The following SPAG16 variants were observed in gnomAD, a reference collection of about 807,000 sequenced individuals.
SPAG16 encodes the protein sperm-associated antigen 16 protein.
SPAG16 carries 86 observed loss-of-function variants against 80.4 expected under a neutral mutation model. That is an observed-to-expected ratio of 1.07 (90% CI 0.90 to 1.28). SPAG16 has a LOEUF of 1.28. SPAG16 is among the 50% of genes most tolerant of loss of function. The probability of loss-of-function intolerance (pLI) is 0.00; values close to 1 mark genes in which losing one functional copy is unlikely to be tolerated. For missense variants in SPAG16, 870 were observed against 765.3 expected, an observed-to-expected ratio of 1.14 and a Z score of -1.61; for synonymous variants, 294 against 265.9, an observed-to-expected ratio of 1.11 and a Z score of -1.03.
rs200974887 is a variant in SPAG16 at position 213,375,061 on chromosome 2, G to C, written c.884G>C (p.Gly295Ala). The change falls in exon 9 of 16, where the codon GGT becomes GCT. Residue 295 changes from glycine (G) to alanine (A), a missense_variant. Physicochemically the swap from Gly to Ala is moderately conservative, Grantham distance 60 (BLOSUM62 0). Transcript: ENST00000331683. ...ENAPEGPTQKGLREAREQNKC... is the reference protein window; with the variant it reads ...ENAPEGPTQKALREAREQNKC... ...GCACCAGAAGGTCCTACTCAGAAAGGTCTTCGTGAAGCCAGGGAACAAAAC... is the reference window on the plus strand; with the variant it reads ...GCACCAGAAGGTCCTACTCAGAAAGCTCTTCGTGAAGCCAGGGAACAAAAC... 6.2e-7 allele frequency: 1 copy of C among 1,610,988 alleles called. No individual in the cohort carries two copies. The highest frequency in any genetic ancestry group is 1.3e-5 in the African/African-American group (1 of 74,816).
intron 11 of SPAG16, among the ~76,000 whole-genome samples, chr2:213,878,713 C>T (rs999913539): frequency 6.6e-6 from 1 of 152,126 alleles, no homozygotes; most frequent in African/African-American, 2.4e-5. Flanking sequence ...AGGTCTTAGT[C>T]ATAAATTCTT....
chr2:213,674,482 C>A (rs1289511348), intron 10 of SPAG16, among the ~76,000 whole-genome samples: 1 of 151,156 alleles, frequency 6.6e-6, no homozygotes, highest in East Asian at 1.9e-4. Flanking sequence ...GCGCTGCACC[C>A]ACTAACTCGT....
At chr2:213,356,432 A>G (rs2065655505) in intron 7 of SPAG16, among the ~76,000 whole-genome samples, 2 of 152,202 alleles carry the variant, frequency 1.3e-5, no homozygotes, top group Non-Finnish European at 2.9e-5. Flanking sequence ...AGAGCCTGTG[A>G]TTGGTCAATT....
intron 3 of SPAG16, among the ~76,000 whole-genome samples, chr2:213,300,114 G>T (rs980080830): frequency 6.6e-6 from 1 of 152,074 alleles, no homozygotes; most frequent in Non-Finnish European, 1.5e-5. Context: ...TTATACTGCT[G>T]TAATTACGTA....
At chr2:213,310,502 G>A (rs2063144811) in intron 4 of SPAG16, among the ~76,000 whole-genome samples, 1 of 151,898 alleles carries the variant, frequency 6.6e-6, no homozygotes, top group Non-Finnish European at 1.5e-5. Context: ...GATATTTTAT[G>A]AAAACATTTC....
chr2:213,638,387 TA>T (rs1258799499), intron 10 of SPAG16, among the ~76,000 whole-genome samples: 1 of 152,110 alleles, frequency 6.6e-6, no homozygotes, highest in African/African-American at 2.4e-5. Flanking sequence ...TTAATGCTAC[TA>T]ACTATTTTCT....
intron 10 of SPAG16, among the ~76,000 whole-genome samples, chr2:213,735,275 T>C (rs2217161): frequency 0.44 from 66,352 of 152,046 alleles, 14,802 homozygotes; most frequent in East Asian, 0.61. Flanking sequence ...AGATTTGTGA[T>C]TGTGAATTAT....
chr2:213,811,962 T>A (rs1453092992), intron 10 of SPAG16, among the ~76,000 whole-genome samples: 1 of 151,904 alleles, frequency 6.6e-6, no homozygotes, highest in Non-Finnish European at 1.5e-5. Flanking sequence ...AAAGAGATAA[T>A]ACATAATCAC....
At chr2:214,101,685 G>A (rs1451816654) in intron 13 of SPAG16, among the ~76,000 whole-genome samples, 1 of 152,220 alleles carries the variant, frequency 6.6e-6, no homozygotes, top group Admixed American at 6.5e-5. Context: ...GGGGACTTTG[G>A]AATCAGGCAA....
chr2:214,201,682 T>C (rs1476405489), intron 15 of SPAG16, among the ~76,000 whole-genome samples: 1 of 152,190 alleles, frequency 6.6e-6, no homozygotes, highest in Non-Finnish European at 1.5e-5. Flanking sequence ...ATAGACTACA[T>C]TTTATTGGCA....
chr2:213,511,988 C>T (rs2075243864), intron 10 of SPAG16, among the ~76,000 whole-genome samples: 1 of 151,512 alleles, frequency 6.6e-6, no homozygotes, highest in Non-Finnish European at 1.5e-5. Flanking sequence ...AATTTTTCTC[C>T]TCTGGAGAAA....
At chr2:214,313,517 C>G (rs17818709) in intron 15 of SPAG16, among the ~76,000 whole-genome samples, 14,260 of 152,088 alleles carry the variant, frequency 0.094, 806 homozygotes, top group Middle Eastern at 0.16. Context: ...ATTATACCTC[C>G]TTGTAAGGCT....
At chr2:213,912,925 A>T (rs1451109448) in intron 11 of SPAG16, among the ~76,000 whole-genome samples, 1 of 152,150 alleles carries the variant, frequency 6.6e-6, no homozygotes, top group South Asian at 2.1e-4. Context: ...TAATCAATAG[A>T]TTTAATCATT....
In SPAG16 at chr2:214,359,139, C is replaced by A. The variant is rs539515491; in HGVS notation, c.1721-51001C>A. Among the ~76,000 whole-genome samples, 17 of 151,924 alleles carry A rather than the reference C, an allele frequency of 1.1e-4. 1 individual carries two copies. The highest frequency in any genetic ancestry group is 3.4e-4 in the African/African-American group (14 of 41,494). On this transcript the variant is annotated intron_variant, in intron 15 of 15. Transcript: ENST00000331683. The stretch of plus-strand genomic sequence containing the variant: ...TAGTAATAGTAATAAGAGCTAATAT[C>A]TATTGTCAGGCACTGCTCTAAGTAT...
chr2:213,500,733 A>T (rs1452631235), intron 10 of SPAG16, among the ~76,000 whole-genome samples: 2 of 152,210 alleles, frequency 1.3e-5, no homozygotes, highest in African/African-American at 4.8e-5. Context: ...AGGTTGAAGG[A>T]GTCCAGCTGT....
At chr2:214,002,982 G>C (rs2046862836) in intron 12 of SPAG16, among the ~76,000 whole-genome samples, 1 of 152,048 alleles carries the variant, frequency 6.6e-6, no homozygotes, top group African/African-American at 2.4e-5. Flanking sequence ...ATCCAATAGT[G>C]GTGTGCTTGC....
intron 1 of SPAG16, among the ~76,000 whole-genome samples, chr2:213,285,531 G>C (rs2062023614): frequency 6.6e-6 from 1 of 152,190 alleles, no homozygotes; most frequent in African/African-American, 2.4e-5. Flanking sequence ...TTATTTGTTT[G>C]TCCAACTGTA....
At chr2:213,771,972 T>A (rs1553627546) in intron 10 of SPAG16, among the ~76,000 whole-genome samples, 1 of 152,202 alleles carries the variant, frequency 6.6e-6, no homozygotes, top group Non-Finnish European at 1.5e-5. Flanking sequence ...GTATTTTTTT[T>A]CTAATTCTGT....
At chr2:213,834,669 A>G (rs952745374) in intron 10 of SPAG16, among the ~76,000 whole-genome samples, 4 of 152,068 alleles carry the variant, frequency 2.6e-5, no homozygotes, top group African/African-American at 7.2e-5. Context: ...TCTATGACAT[A>G]TCTTTTGGGA....
Sources: gnomAD v4.1 joint callset for allele counts (sites outside exome capture counted in the v4.1 genomes callset) on GRCh38, gnomAD v4.1.1 for gene constraint, MANE v1.5 for transcripts, NCBI Gene and HGNC (gene_info 2026-07-23, HGNC 2026-07-21) for gene names.